RTKN2: variants seen among roughly 807,000 people sequenced by gnomAD.
The protein encoded by RTKN2 is rhotekin-2.
A neutral mutation model predicts 71.5 loss-of-function variants in RTKN2; 69 were observed. The ratio of observed to expected loss-of-function variants is 0.96; its 90% CI spans 0.79 to 1.18. The LOEUF (loss-of-function observed/expected upper bound fraction) is 1.18. Among genes scored for constraint, RTKN2 ranks in the 50% most tolerant of loss-of-function variants. The probability of loss-of-function intolerance (pLI) is 0.00; values close to 1 mark genes in which losing one functional copy is unlikely to be tolerated. For missense variants in RTKN2, 724 were observed against 719.7 expected, an observed-to-expected ratio of 1.01 and a Z score of -0.07; for synonymous variants, 236 against 236.5, an observed-to-expected ratio of 1.00 and a Z score of 0.02.
intron 10 of RTKN2, among the ~76,000 whole-genome samples, chr10:62,203,673 C>T (rs548763282): frequency 6.6e-6 from 1 of 152,264 alleles, no homozygotes; most frequent in South Asian, 2.1e-4. Context: ...AAATGTGGTA[C>T]ACGCTGATAA....
intron 10 of RTKN2, among the ~76,000 whole-genome samples, chr10:62,202,501 T>C (rs1225112269): frequency 2.0e-5 from 3 of 152,246 alleles, no homozygotes; most frequent in Non-Finnish European, 2.9e-5. Flanking sequence ...TAGTATGGTA[T>C]AAATACCTCC....
At chr10:62,187,334 G>A (rs778317211) in intron 8 of RTKN2, among the ~76,000 whole-genome samples, 2 of 151,964 alleles carry the variant, frequency 1.3e-5, no homozygotes, top group Non-Finnish European at 2.9e-5. Context: ...GTCCTCAGAG[G>A]GAAGCAGAAA....
At chr10:62,223,694 G>A (rs1218759133) in intron 6 of RTKN2, among the ~76,000 whole-genome samples, 1 of 152,168 alleles carries the variant, frequency 6.6e-6, no homozygotes, top group Non-Finnish European at 1.5e-5. Context: ...CTGGTATGTG[G>A]AGAAACTAAA....
downstream of RTKN2, chr10:62,193,051 C>T (rs909443048): frequency 4.6e-6 from 1 of 216,640 alleles, no homozygotes; most frequent in African/African-American, 2.3e-5. Flanking sequence ...ACTATTCTCC[C>T]TGTTAATATA....
At chr10:62,216,050 T>C (rs1841762809) in intron 9 of RTKN2, among the ~76,000 whole-genome samples, 1 of 151,924 alleles carries the variant, frequency 6.6e-6, no homozygotes, top group African/African-American at 2.4e-5. Flanking sequence ...TAAAAGACTT[T>C]CTGTAAGTAA....
chr10:62,188,860 G>A (rs1034365750), downstream of RTKN2, among the ~76,000 whole-genome samples: 3 of 151,800 alleles, frequency 2.0e-5, no homozygotes, highest in Admixed American at 6.6e-5. Context: ...CCATTCTCTT[G>A]CCTCAGCCTC....
At chr10:62,247,545 T>G (rs1842501879) in intron 2 of RTKN2, among the ~76,000 whole-genome samples, 1 of 152,018 alleles carries the variant, frequency 6.6e-6, no homozygotes, top group African/African-American at 2.4e-5. Context: ...ACTCATTGTT[T>G]ATTTCAAAAT....
At chr10:62,255,551 G>A (rs1411613222) in intron 2 of RTKN2, among the ~76,000 whole-genome samples, 2 of 152,200 alleles carry the variant, frequency 1.3e-5, no homozygotes, top group African/African-American at 4.8e-5. Context: ...GCCAATAAGT[G>A]TAGAAGGAAT....
downstream of RTKN2, among the ~76,000 whole-genome samples, chr10:62,188,730 T>C (rs879880125): frequency 2.0e-5 from 3 of 151,410 alleles, no homozygotes; most frequent in South Asian, 2.1e-4. Flanking sequence ...ATTTTCTATA[T>C]ATATATTTAA....
chr10:62,223,295 T>C lies in RTKN2; in HGVS notation c.724A>G (p.Thr242Ala), dbSNP rs758656427. The change falls in exon 7 of 12, where the codon ACC becomes GCC. Residue 242 changes from threonine (T) to alanine (A), a missense_variant. Transcript: ENST00000373789. ...KYNLLAHTTLTLESAEDSFKT... is the reference protein window; with the variant it reads ...KYNLLAHTTLALESAEDSFKT... ...AAACTATCCTCAGCACTTTCCAAGGTTAGGGTAGTGTGAGCTAGCAAATTA... is the reference window on the plus strand; with the variant it reads ...AAACTATCCTCAGCACTTTCCAAGGCTAGGGTAGTGTGAGCTAGCAAATTA... 1 of 1,611,050 alleles carries C rather than the reference T, an allele frequency of 6.2e-7. No individual in the cohort carries two copies. The highest frequency in any genetic ancestry group is 1.1e-5 in the South Asian group (1 of 91,002).
intron 9 of RTKN2, among the ~76,000 whole-genome samples, chr10:62,212,143 T>C (rs1489639416): frequency 6.6e-6 from 1 of 151,764 alleles, no homozygotes; most frequent in African/African-American, 2.4e-5. Flanking sequence ...TTAAAACTTT[T>C]AGGTAAATAA....
intron 5 of RTKN2, among the ~76,000 whole-genome samples, chr10:62,237,508 G>A (rs1209296930): frequency 6.6e-6 from 1 of 151,798 alleles, no homozygotes; most frequent in East Asian, 1.9e-4. Flanking sequence ...GTTAAAGAAA[G>A]CATAAAATAC....
chr10:62,254,163 C>T (rs934009066), intron 2 of RTKN2, among the ~76,000 whole-genome samples: 8 of 152,174 alleles, frequency 5.3e-5, no homozygotes, highest in Admixed American at 5.2e-4. Context: ...GCTCTGTGTC[C>T]CACCCAAATC....
Position 62,193,510 on chromosome 10 carries a change from G to A in RTKN2, c.*4398C>T, listed in dbSNP as rs1841263806. 1.0e-6 allele frequency: 1 copy of A among 981,548 alleles called. No homozygotes were observed. The highest frequency in any genetic ancestry group is 1.2e-6 in the Non-Finnish European group (1 of 826,538). The allele number at this position is 981,548 out of a possible 1,614,324, so 60.8% of individuals were successfully genotyped here. ...TTTCTCTAAGCACATTGATTAGTAG[G>A]CCTCTCTCTGTAAAGTATTTTTTTA... On this transcript the variant is annotated 3_prime_UTR_variant, in exon 12 of 12. Transcript: ENST00000373789.
At chr10:62,259,155 C>T in intron 2 of RTKN2, 2 of 450,842 alleles carry the variant, frequency 4.4e-6, no homozygotes, top group South Asian at 3.1e-5. Context: ...GGCAGTTCCC[C>T]TGCACATGAT....
chr10:62,188,311 ACTGT>A (rs1271319546), downstream of RTKN2, among the ~76,000 whole-genome samples: 2 of 152,018 alleles, frequency 1.3e-5, no homozygotes, highest in Non-Finnish European at 2.9e-5. Flanking sequence ...CTCTCCCGGG[ACTGT>A]CTGAGTATAG....
In RTKN2 at chr10:62,185,541, G is replaced by A. The variant is rs528035304; in HGVS notation, c.862-1154C>T. On this transcript the variant is annotated intron_variant, in intron 8 of 8. Coordinates refer to the RTKN2 transcript ENST00000315289. ...TGAGGCAGGAGAACCGCTTGAACCC[G>A]GGAGGTGGAGGTTGCAGTAGTGAAT... 1.4e-4 allele frequency among the ~76,000 whole-genome samples: 21 copies of A among 152,250 alleles called. No individual in the cohort carries two copies. The South Asian group carries it at 2.9e-3, about 21-fold the overall frequency.
At chr10:62,268,475 C>T in intron 1 of RTKN2, 76 bp downstream of exon 1, 1 of 1,387,048 alleles carries the variant, frequency 7.2e-7, no homozygotes, top group Non-Finnish European at 1.0e-6. Flanking sequence ...TTCCCGACTC[C>T]TCCACAAAGC....
rs1841750227 is a variant in RTKN2 at position 62,215,499 on chromosome 10, A to T, written c.1020+1619T>A. Among the ~76,000 whole-genome samples the T allele has an allele frequency of 2.0e-5, 3 of 152,174 alleles. No individual in the cohort carries two copies. The South Asian group carries it at 6.2e-4, about 32-fold the overall frequency. On this transcript the variant is annotated intron_variant, in intron 9 of 11. Transcript: ENST00000373789. The stretch of plus-strand genomic sequence containing the variant: ...AAATTAGAAATGATATTTTGGGGAC[A>T]ATTAGAGCAATTTCTTCTGTATATT...
Sources: allele counts gnomAD v4.1 joint callset (sites outside exome capture counted in the v4.1 genomes callset), GRCh38; gene constraint gnomAD v4.1.1; transcripts MANE v1.5; gene names NCBI Gene and HGNC (gene_info 2026-07-23, HGNC 2026-07-21).